The following CDH18 variants were observed in gnomAD, a reference collection of about 807,000 sequenced individuals.
The protein encoded by CDH18 is cadherin 18.
Under a neutral mutation model 67.9 loss-of-function variants are expected in CDH18, and 31 were observed. The ratio of observed to expected loss-of-function variants is 0.46; its 90% CI spans 0.34 to 0.62. The LOEUF (loss-of-function observed/expected upper bound fraction) is 0.62, where lower values mean the gene tolerates loss of function less well. Ranked by LOEUF, CDH18 falls within the 20% of genes least tolerant of loss-of-function variation. The pLI, the probability that CDH18 is intolerant of heterozygous loss-of-function variation, is 0.01. For missense variants in CDH18, 890 were observed against 975.5 expected, an observed-to-expected ratio of 0.91 and a Z score of 1.17; for synonymous variants, 362 against 347.2, an observed-to-expected ratio of 1.04 and a Z score of -0.48.
chr5:20,101,229 T>A (rs1013293986), intron 2 of CDH18, among the ~76,000 whole-genome samples: 1 of 152,146 alleles, frequency 6.6e-6, no homozygotes, highest in African/African-American at 2.4e-5. Flanking sequence ...GCCAAAATGC[T>A]GACATTACAG....
intron 9 of CDH18, among the ~76,000 whole-genome samples, chr5:19,540,110 T>TTAG (rs112653443): frequency 6.6e-6 from 1 of 151,732 alleles, no homozygotes; most frequent in African/African-American, 2.4e-5. Context: ...GGTCTAGGAA[T>TTAG]TAAGTAAATA....
chr5:19,954,819 A>G (rs927866033), intron 2 of CDH18, among the ~76,000 whole-genome samples: 8 of 151,832 alleles, frequency 5.3e-5, no homozygotes, highest in Non-Finnish European at 1.5e-5. Flanking sequence ...AACCCAAACA[A>G]GAAGCACCTG....
chr5:20,385,281 G>A (rs1344879581), intron 1 of CDH18, among the ~76,000 whole-genome samples: 1 of 152,064 alleles, frequency 6.6e-6, no homozygotes, highest in African/African-American at 2.4e-5. Context: ...GTATGTTCTG[G>A]ACAAACTCTT....
intron 2 of CDH18, among the ~76,000 whole-genome samples, chr5:19,998,836 C>A (rs1040053285): frequency 2.0e-5 from 3 of 151,932 alleles, no homozygotes; most frequent in African/African-American, 7.3e-5. Flanking sequence ...AAGAAGTGAA[C>A]TCTCATGTTA....
At chr5:20,003,297 TTG>T (rs557130483) in intron 2 of CDH18, among the ~76,000 whole-genome samples, 21 of 149,826 alleles carry the variant, frequency 1.4e-4, no homozygotes, top group African/African-American at 1.7e-4. Flanking sequence ...GTGGCTGTGT[TTG>T]TGTGTGTGTG....
intron 2 of CDH18, among the ~76,000 whole-genome samples, chr5:20,157,601 G>A (rs1026809482): frequency 6.8e-6 from 1 of 147,164 alleles, no homozygotes; most frequent in Admixed American, 6.8e-5. Flanking sequence ...CACACAATGA[G>A]TTTATTTCTT....
intron 1 of CDH18, among the ~76,000 whole-genome samples, chr5:20,312,564 C>G (rs534486402): frequency 5.3e-5 from 8 of 152,216 alleles, no homozygotes; most frequent in African/African-American, 1.9e-4. Flanking sequence ...ACTCCCAAAC[C>G]TACTGTGCCT....
chr5:19,602,965 CAA>C (rs59378168), intron 6 of CDH18, among the ~76,000 whole-genome samples: 6 of 149,878 alleles, frequency 4.0e-5, no homozygotes, highest in African/African-American at 9.9e-5. Flanking sequence ...AACTCCATCT[CAA>C]AAAAAAAAAT....
At chr5:19,607,288 A>G (rs1005777667) in intron 6 of CDH18, among the ~76,000 whole-genome samples, 1 of 151,460 alleles carries the variant, frequency 6.6e-6, no homozygotes, top group Non-Finnish European at 1.5e-5. Context: ...AAAAATAATG[A>G]TTTGCTATTT....
At chr5:19,794,455 T>G (rs572805856) in intron 3 of CDH18, among the ~76,000 whole-genome samples, 1 of 152,230 alleles carries the variant, frequency 6.6e-6, no homozygotes, top group South Asian at 2.1e-4. Flanking sequence ...TTGTATTGAA[T>G]GACATCGCAA....
intron 10 of CDH18, among the ~76,000 whole-genome samples, chr5:19,515,728 T>C (rs1236470553): frequency 1.3e-5 from 2 of 152,200 alleles, no homozygotes; most frequent in African/African-American, 4.8e-5. Context: ...TGAAGTTTCT[T>C]ATCAGCTTAA....
intron 1 of CDH18, among the ~76,000 whole-genome samples, chr5:20,404,513 G>A (rs1288071422): frequency 1.3e-5 from 2 of 151,990 alleles, no homozygotes; most frequent in Non-Finnish European, 2.9e-5. Context: ...TAATATTACT[G>A]TGTCTCAGGG....
chr5:20,450,146 TA>T (rs1398964917), intron 1 of CDH18, among the ~76,000 whole-genome samples: 6 of 152,096 alleles, frequency 3.9e-5, no homozygotes, highest in Admixed American at 1.3e-4. Flanking sequence ...GAGACCAGCC[TA>T]GCCAACATAA....
At chr5:20,367,079 C>T (rs564817960) in intron 1 of CDH18, among the ~76,000 whole-genome samples, 10 of 152,208 alleles carry the variant, frequency 6.6e-5, no homozygotes, top group Admixed American at 2.6e-4. Flanking sequence ...TACCTCTTGG[C>T]CTGCTTGAGA....
intron 11 of CDH18, among the ~76,000 whole-genome samples, chr5:19,495,553 C>T (rs1219532732): frequency 6.6e-6 from 1 of 151,612 alleles, no homozygotes; most frequent in African/African-American, 2.4e-5. Context: ...CCAGCCTGAT[C>T]AACATGGAGA....
At chr5:19,546,451 G>A (rs1276872546) in intron 8 of CDH18, among the ~76,000 whole-genome samples, 1 of 152,174 alleles carries the variant, frequency 6.6e-6, no homozygotes, top group Non-Finnish European at 1.5e-5. Context: ...TCATGAGAAG[G>A]TGAAAATAAT....
At chr5:19,728,970 A>T (rs529662104) in intron 4 of CDH18, among the ~76,000 whole-genome samples, 3 of 152,334 alleles carry the variant, frequency 2.0e-5, no homozygotes, top group South Asian at 2.1e-4. Flanking sequence ...GTGTAATTTA[A>T]TAAAGTTTTG....
intron 3 of CDH18, among the ~76,000 whole-genome samples, chr5:19,810,298 C>A (rs1490111020): frequency 6.6e-6 from 1 of 151,710 alleles, no homozygotes; most frequent in African/African-American, 2.4e-5. Context: ...ACCACTGCAC[C>A]TCAGCCTGGG....
At chr5:19,555,482 T>G (rs887717275) in intron 8 of CDH18, among the ~76,000 whole-genome samples, 5 of 152,058 alleles carry the variant, frequency 3.3e-5, no homozygotes, top group African/African-American at 1.2e-4. Context: ...GGGAACAAGG[T>G]AAGGCCTGGG....
Sources: allele counts gnomAD v4.1 joint callset (sites outside exome capture counted in the v4.1 genomes callset), GRCh38; gene constraint gnomAD v4.1.1; transcripts MANE v1.5; gene names NCBI Gene and HGNC (gene_info 2026-07-23, HGNC 2026-07-21).